Variants in PPP1R13B observed in about 807,000 individuals in gnomAD.
PPP1R13B encodes the protein protein phosphatase 1 regulatory subunit 13B, also known as apoptosis-stimulating of p53 protein 1.
Under a neutral mutation model 119.8 loss-of-function variants are expected in PPP1R13B, and 44 were observed. That is an observed-to-expected ratio of 0.37 (90% CI 0.29 to 0.47). The LOEUF (loss-of-function observed/expected upper bound fraction) is 0.47. PPP1R13B is among the 20% of genes least tolerant of loss of function. The pLI, the probability that PPP1R13B is intolerant of heterozygous loss-of-function variation, is 0.99. For synonymous variants in PPP1R13B, 542 were observed against 561.5 expected (o/e 0.97, Z 0.49); for missense variants, 1,227 against 1,413.5 (o/e 0.87, Z 2.12).
At chr14:103,845,810 T>A (rs1368566928) in intron 1 of PPP1R13B, among the ~76,000 whole-genome samples, 1 of 152,194 alleles carries the variant, frequency 6.6e-6, no homozygotes, top group African/African-American at 2.4e-5. Context: ...TTCATCAAAA[T>A]CTAGCTAGTG....
At chr14:103,804,082 T>C (rs1391593592) in intron 1 of PPP1R13B, 1 of 984,332 alleles carries the variant, frequency 1.0e-6, no homozygotes, top group Non-Finnish European at 1.2e-6. Flanking sequence ...GTGTCTTAAC[T>C]TGCTCCATTT....
At position 103,757,656 on chromosome 14, in the gene PPP1R13B, A is replaced by G. The variant is rs747790339; in HGVS notation, c.450T>C (p.Val150=). ...ACCTCTTTTTATAACTTACCTTGGCAACCAACATCTGCTGCTGATTTTCAA... is the reference window on the plus strand; with the variant it reads ...ACCTCTTTTTATAACTTACCTTGGCGACCAACATCTGCTGCTGATTTTCAA... The part of the protein sequence containing the change: ...QQIENQQQML[V]AKEQRLHFLK... The change falls in exon 5 of 17, where the codon GTT becomes GTC. Residue 150 remains valine (V), a synonymous_variant. Transcript: ENST00000202556. The G allele has an allele frequency of 3.1e-6, 5 of 1,613,934 alleles. No homozygotes were observed. In the Admixed American group the frequency reaches 8.3e-5, roughly 27 times the overall value.
At chr14:103,746,828 C>T in intron 8 of PPP1R13B, 1 of 269,664 alleles carries the variant, frequency 3.7e-6, no homozygotes, top group Non-Finnish European at 7.0e-6. Flanking sequence ...GATCCACATG[C>T]AGCTTCCCTC....
intron 1 of PPP1R13B, among the ~76,000 whole-genome samples, chr14:103,808,634 A>G (rs1567139684): frequency 6.6e-6 from 1 of 151,864 alleles, no homozygotes; most frequent in East Asian, 1.9e-4. Context: ...GTTCAGCACT[A>G]CCCCCTTCCC....
intron 8 of PPP1R13B, among the ~76,000 whole-genome samples, chr14:103,747,920 C>T (rs540848066): frequency 8.1e-4 from 124 of 152,318 alleles, no homozygotes; most frequent in African/African-American, 2.8e-3. Flanking sequence ...AACAGAGAGA[C>T]GCCCTGAGAA....
At chr14:103,788,523 T>C (rs562380147) in intron 2 of PPP1R13B, among the ~76,000 whole-genome samples, 4 of 152,236 alleles carry the variant, frequency 2.6e-5, no homozygotes, top group African/African-American at 9.6e-5. Flanking sequence ...TTTTAGACTA[T>C]AAAATAGCAT....
rs527342757 is a variant in PPP1R13B, at chr14:103,781,726, G to A, written c.278-2905C>T. 4.6e-5 allele frequency among the ~76,000 whole-genome samples: 7 copies of A among 150,608 alleles called. No individual in the cohort carries two copies. In the East Asian group the frequency reaches 9.7e-4, roughly 21 times the overall value. On this transcript the variant is annotated intron_variant, in intron 3 of 16. Transcript: ENST00000202556. ...GAGTGTAGTGGCGCGATCTCAGCTC[G>A]CTGCAAGCTCTGCCTCCCGGGTTCA...
intron 1 of PPP1R13B, among the ~76,000 whole-genome samples, chr14:103,799,381 T>C (rs568669202): frequency 6.6e-6 from 1 of 151,932 alleles, no homozygotes; most frequent in South Asian, 2.1e-4. Context: ...GGTTTCACCG[T>C]GTTAGCCAGG....
chr14:103,789,744 C>A (rs1410426321), intron 2 of PPP1R13B, among the ~76,000 whole-genome samples: 1 of 151,998 alleles, frequency 6.6e-6, no homozygotes, highest in African/African-American at 2.4e-5. Flanking sequence ...AAACCACTGA[C>A]CTCAAATAAT....
intron 2 of PPP1R13B, chr14:103,794,477 C>G: frequency 4.3e-6 from 1 of 234,750 alleles, no homozygotes; most frequent in Non-Finnish European, 8.7e-6. Context: ...CAGGTGCCCA[C>G]CACCATGCCC....
chr14:103,846,533 A>C (rs963551758), intron 1 of PPP1R13B, among the ~76,000 whole-genome samples: 2 of 152,120 alleles, frequency 1.3e-5, no homozygotes, highest in Non-Finnish European at 2.9e-5. Context: ...CCAGTCCCAC[A>C]TTTTTTCATA....
At position 103,738,012 on chromosome 14, in the gene PPP1R13B, T is replaced by C. The variant is rs1202185522; in HGVS notation, c.2865-152A>G. 1.1e-6 allele frequency: 1 copy of C among 948,364 alleles called. No individual in the cohort carries two copies. Among genetic ancestry groups the C allele is most frequent in the South Asian group, 1.8e-5 (1 of 56,118 alleles). The allele number at this position is 948,364 out of a possible 1,614,324, so 58.7% of individuals were successfully genotyped here. ...TGTTTCTTTAAAGGCAGGATTTCCA[T>C]GAGCCAATTGTTTCAGACCATACAT... is the stretch of plus-strand genomic sequence containing the variant. On this transcript the variant is annotated intron_variant, in intron 14 of 16. Coordinates refer to ENST00000202556, the MANE Select transcript of PPP1R13B (RefSeq NM_015316.3). The surrounding 1 kb of genome is among the most constrained non-coding windows in gnomAD (Gnocchi z 5.6).
Position 103,740,109 on chromosome 14 carries a change from C to T in PPP1R13B, c.2307G>A (p.Leu769=). Residue 769 remains leucine, a synonymous_variant, in exon 12 of 17, where the codon CTG becomes CTA. Transcript: ENST00000202556. This position sits in a 1 kb window ranked among gnomAD's most constrained non-coding sequence, Gnocchi z 4.6. ...TGGGCTGGGCAGGGGGGAGCTCTTC[C>T]AGGTTTCCATTGGCATTGGTGTTTC... The part of the protein sequence containing the change: ...DNGNTNANGN[L]EELPPAQPTA... 1 of 1,613,714 alleles carries T rather than the reference C, an allele frequency of 6.2e-7. No individual in the cohort carries two copies. Among genetic ancestry groups the T allele is most frequent in the Non-Finnish European group, 8.5e-7 (1 of 1,180,004 alleles).
intron 4 of PPP1R13B, among the ~76,000 whole-genome samples, chr14:103,776,729 G>A (rs1003185523): frequency 6.6e-6 from 1 of 151,864 alleles, no homozygotes. Context: ...AAAATTAGCC[G>A]GGCGTGGCGG....
chr14:103,785,895 C>T (rs546389574), intron 2 of PPP1R13B, among the ~76,000 whole-genome samples: 35 of 152,104 alleles, frequency 2.3e-4, no homozygotes, highest in Non-Finnish European at 4.3e-4. Context: ...ATCAGAGGTA[C>T]GAAGGCTGGA....
intron 1 of PPP1R13B, among the ~76,000 whole-genome samples, chr14:103,822,723 G>C (rs901399591): frequency 7.3e-5 from 11 of 151,566 alleles, no homozygotes; most frequent in African/African-American, 2.4e-4. Context: ...TGAGGCAAAA[G>C]AATCACTTGA....
At chr14:103,761,119 C>T (rs1006448540) in intron 4 of PPP1R13B, among the ~76,000 whole-genome samples, 1 of 151,666 alleles carries the variant, frequency 6.6e-6, no homozygotes. Flanking sequence ...ACAAAATACA[C>T]AAAAATTAGC....
intron 2 of PPP1R13B, among the ~76,000 whole-genome samples, chr14:103,791,190 T>C (rs925178515): frequency 6.6e-6 from 1 of 151,976 alleles, no homozygotes; most frequent in Non-Finnish European, 1.5e-5. Context: ...GATATGATCA[T>C]AGCTCACTGT....
At position 103,741,829 on chromosome 14, in the gene PPP1R13B, G is replaced by A. The variant is rs1426361571; in HGVS notation, c.1783C>T (p.Pro595Ser). The A allele has an allele frequency of 6.2e-7, 1 of 1,614,092 alleles. No homozygotes were observed. Among genetic ancestry groups the A allele is most frequent in the African/African-American group, 1.3e-5 (1 of 74,934 alleles). Residue 595 changes from proline (P) to serine (S), a missense_variant, in exon 11 of 17, where the codon CCG becomes TCG. Coordinates refer to ENST00000202556, the MANE Select transcript of PPP1R13B (RefSeq NM_015316.3). ...QQATPPKNYQ[P>S]AAHSALNKSV... ...TTATTTAAGGCGCTGTGTGCTGCCG[G>A]CTGGTAATTCTTAGGTGGTGTGGCT...
Sources: allele counts gnomAD v4.1 joint callset (sites outside exome capture counted in the v4.1 genomes callset), GRCh38; gene constraint gnomAD v4.1.1; non-coding constraint Gnocchi (gnomAD v3.1); transcripts MANE v1.5; gene names NCBI Gene and HGNC (gene_info 2026-07-23, HGNC 2026-07-21).